PCDHGA3: variants seen among roughly 807,000 people sequenced by gnomAD.
PCDHGA3 encodes the protein protocadherin gamma subfamily A, 3, also known as protocadherin gamma-A3.
PCDHGA3 carries 40 observed loss-of-function variants against 58.5 expected under a neutral mutation model. That is an observed-to-expected ratio of 0.68 (90% confidence interval 0.53 to 0.89). PCDHGA3 has a LOEUF of 0.89. Among genes scored for constraint, PCDHGA3 ranks in the 40% least tolerant of loss-of-function variants. The probability of loss-of-function intolerance (pLI) is 0.00; values close to 1 mark genes in which losing one functional copy is unlikely to be tolerated. For synonymous variants in PCDHGA3, 530 were observed against 525.7 expected (o/e 1.01, Z -0.11); for missense variants, 1,223 against 1,195.9 (o/e 1.02, Z -0.33).
intron 2 of PCDHGA3, among the ~76,000 whole-genome samples, chr5:141,499,879 G>C (rs1470090790): frequency 9.2e-5 from 14 of 151,952 alleles, no homozygotes. Flanking sequence ...GTACAAACAG[G>C]GTTTCGCCAT....
At chr5:141,415,255 A>G (rs908329007) in intron 1 of PCDHGA3, 1 of 1,613,620 alleles carries the variant, frequency 6.2e-7, no homozygotes, top group African/African-American at 1.3e-5. Context: ...CTCAGACCTC[A>G]CTCTGTACCT....
At chr5:141,370,334 T>C in intron 1 of PCDHGA3, 3 of 1,443,302 alleles carry the variant, frequency 2.1e-6, no homozygotes, top group Non-Finnish European at 2.8e-6. Context: ...CGGAGAACTC[T>C]TGGGATTATT....
Position 141,502,395 on chromosome 5 carries a change from G to A in PCDHGA3, c.2484-2998G>A, listed in dbSNP as rs115188718. The stretch of plus-strand genomic sequence containing the variant: ...GTCCAGGCCAGTTGTACTTTAAAAT[G>A]TCCCCGAACCTGGATTTGCTGGCTA... On this transcript the variant is annotated intron_variant, in intron 2 of 3. Transcript: ENST00000253812. Among the ~76,000 whole-genome samples, 610 of 151,894 alleles carry A rather than the reference G, an allele frequency of 4.0e-3. 3 individuals carry two copies. Among genetic ancestry groups the A allele is most frequent in the African/African-American group, 0.013 (553 of 41,410 alleles).
intron 1 of PCDHGA3, chr5:141,393,813 C>G (rs376904307): frequency 1.2e-6 from 2 of 1,613,814 alleles, no homozygotes; most frequent in Non-Finnish European, 8.5e-7. Flanking sequence ...GACCAAATTG[C>G]TCATTTCGGT....
chr5:141,490,700 C>T lies in PCDHGA3; in HGVS notation c.2425-4107C>T. The T allele has an allele frequency of 6.2e-7, 1 of 1,614,152 alleles. No individual in the cohort carries two copies. Among genetic ancestry groups the T allele is most frequent in the Non-Finnish European group, 8.5e-7 (1 of 1,179,984 alleles). ...TCAGATCCAGACACTGGGGATAATG[C>T]CCGCCTCACCTACTCCATTGTAGGA... On this transcript the variant is annotated intron_variant, in intron 1 of 3. Transcript: ENST00000253812. This position sits in a 1 kb window ranked among gnomAD's most constrained non-coding sequence, Gnocchi z 5.4.
At chr5:141,409,262 G>A (rs768196825) in intron 1 of PCDHGA3, 2 of 1,613,834 alleles carry the variant, frequency 1.2e-6, no homozygotes, top group African/African-American at 2.7e-5. Flanking sequence ...TTCTCTCTCT[G>A]ATCAGATTTT....
chr5:141,468,282 G>A (rs1368214716), intron 1 of PCDHGA3, among the ~76,000 whole-genome samples: 1 of 140,012 alleles, frequency 7.1e-6, no homozygotes, highest in African/African-American at 2.7e-5. Context: ...CCGAGACCAC[G>A]CCATTGCACC....
chr5:141,488,564 G>A (rs1047904416), intron 1 of PCDHGA3, among the ~76,000 whole-genome samples: 4 of 152,154 alleles, frequency 2.6e-5, no homozygotes, highest in Non-Finnish European at 5.9e-5. Context: ...TGAGATTTCC[G>A]CAAAGCATTG....
At chr5:141,444,531 C>T (rs1021207516) in intron 1 of PCDHGA3, among the ~76,000 whole-genome samples, 2 of 152,100 alleles carry the variant, frequency 1.3e-5, no homozygotes, top group Non-Finnish European at 1.5e-5. Context: ...GAGACAGTGA[C>T]TGTGTCTAGT....
At position 141,372,540 on chromosome 5, in the gene PCDHGA3, C is replaced by G. The variant is rs1208837944; in HGVS notation, c.2424+26083C>G. On this transcript the variant is annotated intron_variant, in intron 1 of 3. Transcript: ENST00000253812. Reference sequence around the variant, plus strand: ...GATTCTGGCAATCTCCCTGCGCCTGCGATGCTCCTCCAGACCCGCCACTGA... The same window carrying G: ...GATTCTGGCAATCTCCCTGCGCCTGGGATGCTCCTCCAGACCCGCCACTGA... The G allele has an allele frequency of 1.9e-6, 3 of 1,614,012 alleles. No homozygotes were observed. The highest frequency in any genetic ancestry group is 3.3e-5 in the Admixed American group (2 of 60,026).
intron 1 of PCDHGA3, chr5:141,383,265 A>AAT: frequency 6.2e-7 from 1 of 1,613,948 alleles, no homozygotes; most frequent in African/African-American, 1.3e-5. Flanking sequence ...TAGACGTGGA[A>AAT]ATAATAGATA....
chr5:141,344,055 C>T lies in PCDHGA3; in HGVS notation c.22C>T (p.Arg8Ter), dbSNP rs771975299. 9 of 1,558,224 alleles carry T rather than the reference C, an allele frequency of 5.8e-6. No individual in the cohort carries two copies. Among genetic ancestry groups the T allele is most frequent in the African/African-American group, 1.4e-5 (1 of 72,542 alleles). The change falls in exon 1 of 4, where the codon CGA becomes TGA. Residue 8 changes from arginine (R) to a stop codon, truncating the protein, a stop_gained. Transcript: ENST00000253812. LOFTEE classifies it high-confidence loss of function. MTNCLSF[R>*]NGRGLALLCA... ...GGAAATGACCAATTGCCTGAGTTTC[C>T]GAAATGGCAGAGGACTGGCCCTGCT...
rs765823917 is a variant in PCDHGA3, at chr5:141,351,556, A to G, written c.2424+5099A>G. 2.5e-6 allele frequency: 4 copies of G among 1,613,842 alleles called. 1 individual carries two copies. The highest frequency in any genetic ancestry group is 1.7e-5 in the Admixed American group (1 of 59,994). On this transcript the variant is annotated intron_variant, in intron 1 of 3. Transcript: ENST00000253812. ...GCAAACCAGCCCTTTCCTCCAGGAC[A>G]AGCATCACCCTGCACATCTCCGACA...
chr5:141,399,639 C>A lies in PCDHGA3; in HGVS notation c.2424+53182C>A, dbSNP rs1405309490. On this transcript the variant is annotated intron_variant, in intron 1 of 3. Transcript: ENST00000253812. ...CACTGGCCTCTTACGTGTCCATGAG[C>A]GCGCAAAGTGGGGTGGTGTTCGCGC... 5 of 1,613,858 alleles carry A rather than the reference C, an allele frequency of 3.1e-6. No individual in the cohort carries two copies. The highest frequency in any genetic ancestry group is 3.4e-6 in the Non-Finnish European group (4 of 1,179,886).
In PCDHGA3 at chr5:141,491,144, TGGA is replaced by T. The variant is rs757881044; in HGVS notation, c.2425-3659_2425-3657del. ...GAGGTGCGCACAGCCCGGGCCTTAC[TGGA>T]GGATGACTCTGACACCCAGCAGGTG... On this transcript the variant is annotated intron_variant, in intron 1 of 3. Coordinates refer to ENST00000253812, the MANE Select transcript of PCDHGA3 (RefSeq NM_018916.4). This position sits in a 1 kb window ranked among gnomAD's most constrained non-coding sequence, Gnocchi z 6.9. The T allele has an allele frequency of 1.2e-6, 2 of 1,614,158 alleles. No individual in the cohort carries two copies. The highest frequency in any genetic ancestry group is 2.2e-5 in the South Asian group (2 of 91,086).
Position 141,489,600 on chromosome 5 carries a change from G to A in PCDHGA3, c.2425-5207G>A, listed in dbSNP as rs1407225048. 8.1e-6 allele frequency: 13 copies of A among 1,614,034 alleles called. No homozygotes were observed. Among genetic ancestry groups the A allele is most frequent in the Non-Finnish European group, 1.1e-5 (13 of 1,179,962 alleles). ...ACCCCCTGGAGCTAATCCGTGTAGA[G>A]GTAGAGATCCTGGATCTCAATGACA... On this transcript the variant is annotated intron_variant, in intron 1 of 3. Transcript: ENST00000253812. This position sits in a 1 kb window ranked among gnomAD's most constrained non-coding sequence, Gnocchi z 4.5.
rs2099183566 is a variant in PCDHGA3, at chr5:141,468,861, A to G, written c.2425-25946A>G. 3.9e-5 allele frequency among the ~76,000 whole-genome samples: 6 copies of G among 152,168 alleles called. No homozygotes were observed. In the South Asian group the frequency reaches 1.2e-3, roughly 32 times the overall value. On this transcript the variant is annotated intron_variant, in intron 1 of 3. Coordinates refer to ENST00000253812, the MANE Select transcript of PCDHGA3 (RefSeq NM_018916.4). ...AGCCTGGGCAACAGAGCGAGACTCCATCTCAAAAATAATAATAATAATAAT... is the reference window on the plus strand; with the variant it reads ...AGCCTGGGCAACAGAGCGAGACTCCGTCTCAAAAATAATAATAATAATAAT...
intron 1 of PCDHGA3, chr5:141,418,539 A>C (rs984639830): frequency 6.2e-7 from 1 of 1,614,034 alleles, no homozygotes; most frequent in East Asian, 2.2e-5. Flanking sequence ...GGTACTGCTC[A>C]GATAAGAATC....
intron 1 of PCDHGA3, chr5:141,362,547 T>C (rs1392126264): frequency 6.2e-7 from 1 of 1,613,406 alleles, no homozygotes; most frequent in Non-Finnish European, 8.5e-7. Context: ...CCTCAGATAC[T>C]ATTTTGAAGG....
Sources: allele counts gnomAD v4.1 joint callset (sites outside exome capture counted in the v4.1 genomes callset), GRCh38; gene constraint gnomAD v4.1.1; non-coding constraint Gnocchi (gnomAD v3.1); transcripts MANE v1.5; gene names NCBI Gene and HGNC (gene_info 2026-07-23, HGNC 2026-07-21).